CLDN11: variants seen among roughly 807,000 people sequenced by gnomAD.
CLDN11 encodes claudin-11.
Under a neutral mutation model 18.0 loss-of-function variants are expected in CLDN11, and 1 was observed. The observed-to-expected ratio is 0.06, with a 90% CI of 0.02 to 0.26. CLDN11 has a LOEUF of 0.26. CLDN11 is among the 10% of genes least tolerant of loss of function. CLDN11 has a pLI of 1.00. For missense variants in CLDN11, 172 were observed against 276.6 expected (o/e 0.62, Z 2.68); for synonymous variants, 116 against 121.5 (o/e 0.96, Z 0.30).
chr3:170,427,206 A>T (rs7613356), intron 2 of CLDN11, among the ~76,000 whole-genome samples: 120,481 of 152,198 alleles, frequency 0.79, 48,146 homozygotes, highest in East Asian at 0.99. Flanking sequence ...TCAGATTTTT[A>T]AAAGGAAATC....
chr3:170,425,989 G>A (rs1039128416), intron 2 of CLDN11, among the ~76,000 whole-genome samples: 1 of 152,152 alleles, frequency 6.6e-6, no homozygotes, highest in Non-Finnish European at 1.5e-5. Flanking sequence ...GGGACTGAAG[G>A]CTCCCTTTGT....
At chr3:170,425,046 G>A (rs987680080) in intron 2 of CLDN11, among the ~76,000 whole-genome samples, 10 of 152,118 alleles carry the variant, frequency 6.6e-5, no homozygotes, top group Non-Finnish European at 8.8e-5. Context: ...GTGTGCCAGC[G>A]TCACACGGAA....
At chr3:170,426,128 G>A (rs961414609) in intron 2 of CLDN11, among the ~76,000 whole-genome samples, 3 of 152,146 alleles carry the variant, frequency 2.0e-5, no homozygotes, top group African/African-American at 7.2e-5. Flanking sequence ...GCACCTCCTG[G>A]GTTTCGGGGG....
At chr3:170,427,905 C>T (rs773556607) in intron 2 of CLDN11, among the ~76,000 whole-genome samples, 26 of 150,558 alleles carry the variant, frequency 1.7e-4, no homozygotes, top group Non-Finnish European at 3.5e-4. Context: ...CGCCTGTAAT[C>T]TAGCACTTTG....
Position 170,419,333 on chromosome 3 carries a change from C to A in CLDN11, c.226+41C>A. 7.0e-7 allele frequency: 1 copy of A among 1,433,742 alleles called. No homozygotes were observed. The highest frequency in any genetic ancestry group is 9.6e-7 in the Non-Finnish European group (1 of 1,045,108). 88.8% of individuals were successfully genotyped at this position (1,433,742 alleles called of 1,614,324 possible). ...TGGCGGCGGCTCCCAAATCCTTATCCTCTGGGTAGAGAGCGGGATATTAGA... is the reference window on the plus strand; with the variant it reads ...TGGCGGCGGCTCCCAAATCCTTATCATCTGGGTAGAGAGCGGGATATTAGA... On this transcript the variant is annotated intron_variant, in intron 1 of 2. Transcript: ENST00000064724. This position sits in a 1 kb window ranked among gnomAD's most constrained non-coding sequence, Gnocchi z 8.6.
chr3:170,421,918 A>T (rs1333666184), intron 1 of CLDN11, among the ~76,000 whole-genome samples: 1 of 152,188 alleles, frequency 6.6e-6, no homozygotes, highest in Non-Finnish European at 1.5e-5. Flanking sequence ...CAGTTCTCTT[A>T]TTCCTTGATT....
chr3:170,432,578 C>A lies in CLDN11; in HGVS notation c.446C>A (p.Thr149Asn), dbSNP rs746330288. The change falls in exon 3 of 3, where the codon ACC (threonine) becomes AAC (asparagine). Residue 149 changes from threonine to asparagine, a missense_variant. Thr to Asn is a moderately conservative substitution (Grantham distance 65). Coordinates refer to ENST00000064724, the MANE Select transcript of CLDN11 (RefSeq NM_005602.6). The stretch of plus-strand genomic sequence containing the variant: ...TTCCCTGTGTGCGCCCACCGTGAGA[C>A]CACCATCGTGAGCTTTGGCTACTCC... ...IWFPVCAHRE[T>N]TIVSFGYSLY... The A allele has an allele frequency of 2.1e-5, 34 of 1,614,052 alleles. No homozygotes were observed. The highest frequency in any genetic ancestry group is 1.8e-5 in the Non-Finnish European group (21 of 1,180,052).
intron 1 of CLDN11, among the ~76,000 whole-genome samples, chr3:170,422,707 G>A (rs1165653011): frequency 2.0e-5 from 3 of 152,178 alleles, no homozygotes; most frequent in East Asian, 3.8e-4. Context: ...AGAGGTGTGA[G>A]CCACCATGCC....
At position 170,418,950 on chromosome 3, in the gene CLDN11, G is replaced by T; in HGVS notation, c.-117G>T. On this transcript the variant is annotated 5_prime_UTR_variant, in exon 1 of 3. Coordinates refer to ENST00000064724, the MANE Select transcript of CLDN11 (RefSeq NM_005602.6). This position sits in a 1 kb window ranked among gnomAD's most constrained non-coding sequence, Gnocchi z 4.3. Reference sequence around the variant, plus strand: ...ACCTCCACCTCCAGTGTCCCGCCTCGGGCCGTCGCCCTCCAGCGGCTCGCG... The same window carrying T: ...ACCTCCACCTCCAGTGTCCCGCCTCTGGCCGTCGCCCTCCAGCGGCTCGCG... The T allele has an allele frequency of 5.2e-6, 4 of 762,824 alleles. No homozygotes were observed. The highest frequency in any genetic ancestry group is 8.6e-6 in the Non-Finnish European group (4 of 465,762). The allele number at this position is 762,824 out of a possible 1,614,324, so 47.3% of individuals were successfully genotyped here. A position where few individuals can be genotyped will look rare whatever the true frequency, so the allele number is the denominator to read the frequency against.
At chr3:170,427,932 A>G (rs1738898400) in intron 2 of CLDN11, among the ~76,000 whole-genome samples, 1 of 151,948 alleles carries the variant, frequency 6.6e-6, no homozygotes, top group African/African-American at 2.4e-5. Context: ...AGACGCGGGC[A>G]GATTGCTTGA....
In CLDN11 at chr3:170,432,982, C is replaced by T; in HGVS notation, c.*226C>T. On this transcript the variant is annotated 3_prime_UTR_variant, in exon 3 of 3. Coordinates refer to ENST00000064724, the MANE Select transcript of CLDN11 (RefSeq NM_005602.6). ...TCAGATAATGCCCAGACATTTTTTT[C>T]CCTTGGTGTTGCCCCTATTAGCTCT... 1.9e-6 allele frequency: 1 copy of T among 537,982 alleles called. No homozygotes were observed. Among genetic ancestry groups the T allele is most frequent in the Non-Finnish European group, 3.3e-6 (1 of 300,212 alleles). 33.3% of individuals were successfully genotyped at this position (537,982 alleles called of 1,614,324 possible).
At position 170,419,362 on chromosome 3, in the gene CLDN11, C is replaced by A. The variant is rs980153919; in HGVS notation, c.226+70C>A. On this transcript the variant is annotated intron_variant, in intron 1 of 2. Transcript: ENST00000064724. This position sits in a 1 kb window ranked among gnomAD's most constrained non-coding sequence, Gnocchi z 8.6. The stretch of plus-strand genomic sequence containing the variant: ...GGGTAGAGAGCGGGATATTAGACGG[C>A]GTCACAGAGACATTTTGGGGGCTTG... 5 of 1,153,584 alleles carry A rather than the reference C, an allele frequency of 4.3e-6. No individual in the cohort carries two copies. In the African/African-American group the frequency reaches 6.2e-5, roughly 14 times the overall value. 71.5% of individuals were successfully genotyped at this position (1,153,584 alleles called of 1,614,324 possible).
intron 2 of CLDN11, among the ~76,000 whole-genome samples, chr3:170,427,758 G>C (rs947415471): frequency 1.3e-5 from 2 of 149,790 alleles, no homozygotes; most frequent in Non-Finnish European, 3.0e-5. Flanking sequence ...GCAGTGAGCT[G>C]AGATCATGCC....
intron 1 of CLDN11, among the ~76,000 whole-genome samples, chr3:170,421,579 G>A (rs1218120110): frequency 6.6e-6 from 1 of 152,150 alleles, no homozygotes; most frequent in African/African-American, 2.4e-5. Context: ...CGTGAGGGTC[G>A]TGGTGTGTGA....
intron 2 of CLDN11, among the ~76,000 whole-genome samples, chr3:170,431,807 C>T (rs1271995806): frequency 6.6e-6 from 1 of 152,144 alleles, no homozygotes; most frequent in East Asian, 1.9e-4. Context: ...TTTTTCTACT[C>T]CAAGGACTGT....
At chr3:170,423,857 A>G in intron 2 of CLDN11, 1 of 155,402 alleles carries the variant, frequency 6.4e-6, no homozygotes, top group Non-Finnish European at 1.4e-5. Flanking sequence ...CCCCATCTCT[A>G]CTAAAAATAC....
chr3:170,420,339 C>T (rs750554226), intron 1 of CLDN11, among the ~76,000 whole-genome samples: 16 of 152,146 alleles, frequency 1.1e-4, no homozygotes, highest in Non-Finnish European at 5.9e-5. Flanking sequence ...GGATTGTGCT[C>T]ACTTAAAGGA....
intron 2 of CLDN11, among the ~76,000 whole-genome samples, chr3:170,423,911 A>C (rs1577469324): frequency 6.6e-6 from 1 of 151,562 alleles, no homozygotes; most frequent in African/African-American, 2.4e-5. Flanking sequence ...AATCCCAGCT[A>C]CTCGGGGCGG....
At position 170,419,200 on chromosome 3, in the gene CLDN11, A is replaced by G. The variant is rs760157251; in HGVS notation, c.134A>G (p.Asp45Gly). 6.4e-7 allele frequency: 1 copy of G among 1,567,414 alleles called. No individual in the cohort carries two copies. The highest frequency in any genetic ancestry group is 8.6e-7 in the Non-Finnish European group (1 of 1,156,316). The change falls in exon 1 of 3, where the codon GAT (aspartate) becomes GGT (glycine). Residue 45 changes from aspartate to glycine, a missense_variant. This residue lies in a region of CLDN11 where 161 missense variants were observed against 240.3 expected (regional missense o/e 0.67). Coordinates refer to ENST00000064724, the MANE Select transcript of CLDN11 (RefSeq NM_005602.6). The surrounding 1 kb of genome is among the most constrained non-coding windows in gnomAD (Gnocchi z 8.6). ...ACCATCCCCACCTGCCGCAAGCTGG[A>G]TGAGCTGGGCTCCAAGGGGCTGTGG... ...GYTIPTCRKL[D>G]ELGSKGLWAD...
Sources: gnomAD v4.1 joint callset for allele counts (sites outside exome capture counted in the v4.1 genomes callset) on GRCh38, gnomAD v4.1.1 for gene constraint, gnomAD v4.1.1 regional missense constraint, Gnocchi (gnomAD v3.1) non-coding constraint, MANE v1.5 for transcripts, NCBI Gene and HGNC (gene_info 2026-07-23, HGNC 2026-07-21) for gene names.